Variants in GRIK2 observed in about 807,000 individuals in gnomAD.
GRIK2 encodes glutamate receptor ionotropic, kainate 2.
A neutral mutation model predicts 100.3 loss-of-function variants in GRIK2; 32 were observed. That is an observed-to-expected ratio of 0.32 (90% CI 0.24 to 0.43). GRIK2 has a LOEUF of 0.43. Among genes scored for constraint, GRIK2 ranks in the 20% least tolerant of loss-of-function variants. GRIK2 has a pLI of 1.00. For missense variants in GRIK2, 843 were observed against 1,114.9 expected, an observed-to-expected ratio of 0.76 and a Z score of 3.47; for synonymous variants, 417 against 389.4, an observed-to-expected ratio of 1.07 and a Z score of -0.83.
chr6:101,640,965 C>G (rs749721093), intron 4 of GRIK2, among the ~76,000 whole-genome samples: 8 of 152,084 alleles, frequency 5.3e-5, no homozygotes, highest in Non-Finnish European at 1.0e-4. Flanking sequence ...TGATTTAACA[C>G]TGACAAAATT....
At chr6:102,004,072 A>G (rs906753091) in intron 14 of GRIK2, among the ~76,000 whole-genome samples, 3 of 149,018 alleles carry the variant, frequency 2.0e-5, no homozygotes, top group African/African-American at 7.4e-5. Flanking sequence ...TTCAACTACC[A>G]TATTTTATCA....
At chr6:101,849,964 G>A (rs937808980) in intron 10 of GRIK2, among the ~76,000 whole-genome samples, 1 of 151,594 alleles carries the variant, frequency 6.6e-6, no homozygotes, top group African/African-American at 2.4e-5. Flanking sequence ...AAGTTTTTTA[G>A]TCATAAGGAT....
intron 2 of GRIK2, among the ~76,000 whole-genome samples, chr6:101,501,330 T>C (rs1773736453): frequency 6.6e-6 from 1 of 152,206 alleles, no homozygotes; most frequent in Non-Finnish European, 1.5e-5. Context: ...TTCATTTTTC[T>C]ATACTATGTT....
intron 4 of GRIK2, among the ~76,000 whole-genome samples, chr6:101,660,304 T>C (rs1331296518): frequency 6.6e-6 from 1 of 152,214 alleles, no homozygotes; most frequent in African/African-American, 2.4e-5. Context: ...ATTCTCGTGC[T>C]GTGTTTTTCA....
intron 14 of GRIK2, among the ~76,000 whole-genome samples, chr6:101,973,224 TC>T (rs1168269449): frequency 6.6e-6 from 1 of 151,932 alleles, no homozygotes; most frequent in African/African-American, 2.4e-5. Context: ...GCCATTTTTT[TC>T]TGATTTACTG....
intron 7 of GRIK2, among the ~76,000 whole-genome samples, chr6:101,755,732 G>C (rs551341769): frequency 6.6e-6 from 1 of 152,266 alleles, no homozygotes; most frequent in South Asian, 2.1e-4. Context: ...ATTTGGAACA[G>C]AGCAGTATCA....
intron 11 of GRIK2, among the ~76,000 whole-genome samples, chr6:101,865,248 A>T (rs979151450): frequency 5.3e-5 from 8 of 152,230 alleles, no homozygotes; most frequent in African/African-American, 1.9e-4. Context: ...TCACGATGCC[A>T]CAGATTTCCA....
chr6:101,622,697 A>G (rs1005656721), intron 3 of GRIK2, among the ~76,000 whole-genome samples: 2 of 152,016 alleles, frequency 1.3e-5, no homozygotes, highest in African/African-American at 4.8e-5. Flanking sequence ...TTATATAAGG[A>G]CATAATTAGA....
intron 2 of GRIK2, among the ~76,000 whole-genome samples, chr6:101,419,495 T>A (rs1332172543): frequency 1.3e-5 from 2 of 152,172 alleles, no homozygotes; most frequent in African/African-American, 4.8e-5. Flanking sequence ...AGTTCTGACA[T>A]GTGAGGGTGG....
Position 101,802,449 on chromosome 6 carries a change from G to A in GRIK2, c.1203+11G>A. Reference sequence around the variant, plus strand: ...GAAGGTCTAGAAAAGGTATTTCAGTGAGCTTATTTGCTTTAATTACTAAAT... The same window carrying A: ...GAAGGTCTAGAAAAGGTATTTCAGTAAGCTTATTTGCTTTAATTACTAAAT... On this transcript the variant is annotated intron_variant, in intron 9 of 16. Transcript: ENST00000369134. The A allele has an allele frequency of 8.3e-7, 1 of 1,202,394 alleles. No homozygotes were observed. The highest frequency in any genetic ancestry group is 1.5e-5 in the African/African-American group (1 of 65,726). The allele number at this position is 1,202,394 out of a possible 1,614,324, so 74.5% of individuals were successfully genotyped here. A position where few individuals can be genotyped will look rare whatever the true frequency, so the allele number is the denominator to read the frequency against.
intron 7 of GRIK2, among the ~76,000 whole-genome samples, chr6:101,764,323 C>T (rs1562368058): frequency 1.3e-5 from 2 of 152,056 alleles, no homozygotes; most frequent in African/African-American, 4.8e-5. Flanking sequence ...TATCATCTTC[C>T]GTGACATCTT....
intron 2 of GRIK2, among the ~76,000 whole-genome samples, chr6:101,475,942 A>C (rs562616739): frequency 1.3e-5 from 2 of 152,210 alleles, no homozygotes; most frequent in East Asian, 3.9e-4. Context: ...CTAGGTAAAT[A>C]TATACAAAAG....
chr6:101,443,700 T>C (rs915236096), intron 2 of GRIK2, among the ~76,000 whole-genome samples: 14 of 152,018 alleles, frequency 9.2e-5, no homozygotes, highest in African/African-American at 3.1e-4. Flanking sequence ...GTGCATATAT[T>C]TGGGAGATTC....
intron 7 of GRIK2, among the ~76,000 whole-genome samples, chr6:101,754,797 A>G (rs1321164918): frequency 6.6e-6 from 1 of 152,204 alleles, no homozygotes; most frequent in African/African-American, 2.4e-5. Context: ...CGATATGTGC[A>G]ATGGCTCAGA....
chr6:102,015,177 C>T (rs973976937), intron 14 of GRIK2, among the ~76,000 whole-genome samples: 2 of 151,152 alleles, frequency 1.3e-5, no homozygotes, highest in Non-Finnish European at 1.5e-5. Context: ...TTAATTGAAC[C>T]CTTTACTATT....
At chr6:101,667,430 T>C (rs1770110763) in intron 4 of GRIK2, among the ~76,000 whole-genome samples, 1 of 152,218 alleles carries the variant, frequency 6.6e-6, no homozygotes, top group African/African-American at 2.4e-5. Flanking sequence ...TCTAAGTGTG[T>C]ACACACATAC....
intron 2 of GRIK2, among the ~76,000 whole-genome samples, chr6:101,401,684 T>C (rs1261844824): frequency 2.0e-5 from 3 of 152,340 alleles, no homozygotes; most frequent in Non-Finnish European, 4.4e-5. Flanking sequence ...GTGGGAGTTT[T>C]ATTTTCTTCT....
At chr6:101,961,892 T>C (rs1792327464) in intron 14 of GRIK2, among the ~76,000 whole-genome samples, 1 of 152,066 alleles carries the variant, frequency 6.6e-6, no homozygotes, top group South Asian at 2.1e-4. Context: ...TTGGGTAGGA[T>C]AGAGATCCAC....
chr6:101,678,282 T>C (rs1233066216), intron 5 of GRIK2, among the ~76,000 whole-genome samples: 2 of 152,182 alleles, frequency 1.3e-5, no homozygotes, highest in Admixed American at 6.6e-5. Context: ...TTCTGACTTC[T>C]ATTAGATATA....
Sources: gnomAD v4.1 joint callset for allele counts (sites outside exome capture counted in the v4.1 genomes callset) on GRCh38, gnomAD v4.1.1 for gene constraint, MANE v1.5 for transcripts, NCBI Gene and HGNC (gene_info 2026-07-23, HGNC 2026-07-21) for gene names.